The following RREB1 variants were observed in gnomAD, a reference collection of about 807,000 sequenced individuals.
RREB1 encodes ras responsive element binding protein 1, also known as ras-responsive element-binding protein 1.
In RREB1, 27 loss-of-function variants were observed where a neutral mutation model predicts 117.8. The ratio of observed to expected loss-of-function variants is 0.23; its 90% CI spans 0.17 to 0.32. The LOEUF is 0.32. RREB1 is among the 10% of genes least tolerant of loss of function. The probability of loss-of-function intolerance (pLI) is 1.00; values close to 1 mark genes in which losing one functional copy is unlikely to be tolerated. For missense variants in RREB1, 2,577 were observed against 2,378.2 expected, an observed-to-expected ratio of 1.08 and a Z score of -1.74; for synonymous variants, 1,298 against 1,026.7, an observed-to-expected ratio of 1.26 and a Z score of -5.05.
At chr6:7,146,921 A>G (rs1202667638) in intron 1 of RREB1, among the ~76,000 whole-genome samples, 4 of 152,168 alleles carry the variant, frequency 2.6e-5, no homozygotes, top group Non-Finnish European at 1.5e-5. Context: ...AGAAGAAACA[A>G]TTCTCTGTGT....
At chr6:7,148,717 G>A (rs1762985035) in intron 1 of RREB1, among the ~76,000 whole-genome samples, 1 of 152,146 alleles carries the variant, frequency 6.6e-6, no homozygotes, top group Admixed American at 6.5e-5. Context: ...ACACCCAGGA[G>A]TTTTATATGG....
chr6:7,246,784 A>T lies in RREB1; in HGVS notation c.4334A>T (p.Glu1445Val), dbSNP rs764437038. ...GGCGCCGGGGGCGCGGCCTCGCAGG[A>T]GCAGAAGCTCGCCTGCGACACCTGT... ...EAGAGGAASQ[E>V]QKLACDTCGK... Residue 1445 changes from glutamate (E) to valine (V), a missense_variant, in exon 12 of 13, where the codon GAG becomes GTG. Coordinates refer to ENST00000379938, the MANE Select transcript of RREB1 (RefSeq NM_001003699.4). The T allele has an allele frequency of 1.9e-6, 3 of 1,551,366 alleles. No individual in the cohort carries two copies. The highest frequency in any genetic ancestry group is 2.6e-6 in the Non-Finnish European group (3 of 1,149,256).
chr6:7,227,268 C>A (rs967579307), intron 9 of RREB1, among the ~76,000 whole-genome samples: 1 of 151,380 alleles, frequency 6.6e-6, no homozygotes, highest in Admixed American at 6.6e-5. Context: ...TAGGGCCGGG[C>A]GTGGTGGCTC....
chr6:7,151,009 C>T (rs1581455575), intron 1 of RREB1, among the ~76,000 whole-genome samples: 1 of 152,136 alleles, frequency 6.6e-6, no homozygotes, highest in African/African-American at 2.4e-5. Flanking sequence ...GTCATAGGCA[C>T]AGAGAACTCA....
At chr6:7,191,306 T>C (rs905348373) in intron 6 of RREB1, among the ~76,000 whole-genome samples, 1 of 152,188 alleles carries the variant, frequency 6.6e-6, no homozygotes. Flanking sequence ...CTTCAGGTTC[T>C]TTTTTATTGT....
chr6:7,193,271 G>C (rs1346501063), intron 6 of RREB1, among the ~76,000 whole-genome samples: 2 of 152,342 alleles, frequency 1.3e-5, no homozygotes, highest in South Asian at 2.1e-4. Context: ...ATCCTGGAGA[G>C]TGTTCCATCT....
chr6:7,219,092 C>CAAAAAAAAAAA (rs57534871), intron 8 of RREB1: 9 of 40,524 alleles, frequency 2.2e-4, no homozygotes, highest in Non-Finnish European at 3.3e-4. Context: ...TACTAAAATA[C>CAAAAAAAAAAA]AAAAAAAAAA....
At chr6:7,126,549 A>C (rs766621437) in intron 1 of RREB1, among the ~76,000 whole-genome samples, 3 of 151,768 alleles carry the variant, frequency 2.0e-5, no homozygotes, top group Non-Finnish European at 4.4e-5. Flanking sequence ...GATTACAGGC[A>C]TGAGCCACTG....
In RREB1 at chr6:7,239,497, T is replaced by G. The variant is rs185322175; in HGVS notation, c.3809-941T>G. ...AACCCAGGACAAGTTGTAGAGGAGC[T>G]TCTATTGCATTTTGAAACATGATGT... On this transcript the variant is annotated intron_variant, in intron 10 of 12. Transcript: ENST00000379938. Among the ~76,000 whole-genome samples, 349 of 152,324 alleles carry G rather than the reference T, an allele frequency of 2.3e-3. 2 individuals are homozygous for G. The highest frequency in any genetic ancestry group is 8.0e-3 in the African/African-American group (331 of 41,564).
At chr6:7,161,802 G>T (rs1237452803) in intron 1 of RREB1, among the ~76,000 whole-genome samples, 1 of 152,148 alleles carries the variant, frequency 6.6e-6, no homozygotes, top group African/African-American at 2.4e-5. Flanking sequence ...CTTCTCTACA[G>T]CATTGCTTCC....
At chr6:7,219,930 C>T (rs1056381846) in intron 8 of RREB1, among the ~76,000 whole-genome samples, 12 of 152,254 alleles carry the variant, frequency 7.9e-5, no homozygotes, top group African/African-American at 2.9e-4. Flanking sequence ...ACAGTTGATA[C>T]TAAGGGAGGA....
chr6:7,217,452 C>G (rs1330401291), intron 8 of RREB1: 1 of 152,190 alleles, frequency 6.6e-6, no homozygotes, highest in Non-Finnish European at 1.5e-5. Flanking sequence ...GGAAATGCTC[C>G]CAGCTGAGCC....
In RREB1 at chr6:7,159,394, A is replaced by G. The variant is rs560988841; in HGVS notation, c.-284-17261A>G. On this transcript the variant is annotated intron_variant, in intron 1 of 12. Coordinates refer to ENST00000379938, the MANE Select transcript of RREB1 (RefSeq NM_001003699.4). ...TTCAGAAACTAACTCGAATCCCAAC[A>G]TCATTCCTGGAATAACGGGACAGCC... 3.9e-5 allele frequency among the ~76,000 whole-genome samples: 6 copies of G among 152,298 alleles called. No individual in the cohort carries two copies. The South Asian group carries it at 1.2e-3, about 32-fold the overall frequency.
intron 2 of RREB1, among the ~76,000 whole-genome samples, chr6:7,177,964 C>T (rs893128976): frequency 2.6e-5 from 4 of 152,166 alleles, no homozygotes; most frequent in Non-Finnish European, 5.9e-5. Flanking sequence ...CTTAGGTGAT[C>T]TGCCTACCCT....
intron 1 of RREB1, among the ~76,000 whole-genome samples, chr6:7,154,771 C>T (rs1006664461): frequency 1.3e-5 from 2 of 152,304 alleles, no homozygotes; most frequent in Non-Finnish European, 1.5e-5. Flanking sequence ...TCCGCTTGTT[C>T]ATCTTTGGGT....
chr6:7,217,584 C>T (rs766422526), intron 8 of RREB1: 3 of 152,264 alleles, frequency 2.0e-5, no homozygotes, highest in East Asian at 1.9e-4. Flanking sequence ...CCCAGCCTGC[C>T]GCCTGGCAGC....
At chr6:7,185,604 G>A (rs1433591902) in intron 4 of RREB1, among the ~76,000 whole-genome samples, 1 of 152,094 alleles carries the variant, frequency 6.6e-6, no homozygotes, top group Non-Finnish European at 1.5e-5. Context: ...TGCTCAGAAT[G>A]AGACTTGTTT....
At chr6:7,122,081 C>T (rs1041409546) in intron 1 of RREB1, among the ~76,000 whole-genome samples, 4 of 152,124 alleles carry the variant, frequency 2.6e-5, no homozygotes, top group African/African-American at 4.8e-5. Flanking sequence ...TTATTGGGCT[C>T]CCATTTTGGA....
intron 1 of RREB1, among the ~76,000 whole-genome samples, chr6:7,172,698 G>T (rs1045365287): frequency 2.2e-5 from 3 of 138,982 alleles, no homozygotes; most frequent in African/African-American, 7.9e-5. Flanking sequence ...GTGTGGGGGG[G>T]TGGGGGTGAC....
Sources: allele counts gnomAD v4.1 joint callset (sites outside exome capture counted in the v4.1 genomes callset), GRCh38; gene constraint gnomAD v4.1.1; transcripts MANE v1.5; gene names NCBI Gene and HGNC (gene_info 2026-07-23, HGNC 2026-07-21).